The following ZNF292 variants were observed in gnomAD, a reference collection of about 807,000 sequenced individuals.
ZNF292 encodes the protein 16 zinc-finger domain protein.
In ZNF292, 26 loss-of-function variants were observed where a neutral mutation model predicts 217.9. That is an observed-to-expected ratio of 0.12 (90% CI 0.09 to 0.17). The LOEUF is 0.17. ZNF292 is among the 10% of genes least tolerant of loss of function. The probability of loss-of-function intolerance (pLI) is 1.00; values close to 1 mark genes in which losing one functional copy is unlikely to be tolerated. For missense variants in ZNF292, 2,904 were observed against 3,175.2 expected (o/e 0.91, Z 2.05); for synonymous variants, 1,257 against 1,124.1 (o/e 1.12, Z -2.37).
intron 1 of ZNF292, among the ~76,000 whole-genome samples, chr6:87,198,422 T>C (rs1204780134): frequency 6.6e-6 from 1 of 152,168 alleles, no homozygotes. Flanking sequence ...GCTAGGATAG[T>C]CTTGATCTCC....
In ZNF292 at chr6:87,258,261, C is replaced by T. The variant is rs1245369094; in HGVS notation, c.4632C>T (p.Asn1544=). ...TGTTGCACACTGTATGCCATCCAAA[C>T]ACCTTGCTGACCAACCAGAATAGGA... is the stretch of plus-strand genomic sequence containing the variant. ...PPLLHTVCHP[N]TLLTNQNRTS... is the part of the protein sequence containing the mutation. The change falls in exon 8 of 8, where the codon AAC becomes AAT. Residue 1544 remains asparagine (N), a synonymous_variant. Coordinates refer to ENST00000369577, the MANE Select transcript of ZNF292 (RefSeq NM_015021.3). 1 of 1,613,176 alleles carries T rather than the reference C, an allele frequency of 6.2e-7. No individual in the cohort carries two copies. The highest frequency in any genetic ancestry group is 8.5e-7 in the Non-Finnish European group (1 of 1,179,602).
intron 1 of ZNF292, among the ~76,000 whole-genome samples, chr6:87,184,403 T>G (rs900145596): frequency 6.6e-6 from 1 of 151,964 alleles, no homozygotes; most frequent in African/African-American, 2.4e-5. Context: ...ACATCACCAG[T>G]AATAATTAGC....
At chr6:87,204,855 C>T (rs1387291796) in intron 1 of ZNF292, among the ~76,000 whole-genome samples, 3 of 151,996 alleles carry the variant, frequency 2.0e-5, no homozygotes, top group Non-Finnish European at 2.9e-5. Flanking sequence ...TGAACCACTG[C>T]GCCTGGCCAC....
intron 4 of ZNF292, among the ~76,000 whole-genome samples, chr6:87,222,492 G>T (rs985702839): frequency 1.3e-5 from 2 of 151,778 alleles, no homozygotes; most frequent in Non-Finnish European, 2.9e-5. Context: ...CAAATGTTTG[G>T]CTAAAGTTCT....
At chr6:87,242,409 G>A (rs142302545) in intron 5 of ZNF292, among the ~76,000 whole-genome samples, 23 of 152,190 alleles carry the variant, frequency 1.5e-4, no homozygotes, top group African/African-American at 4.8e-4. Flanking sequence ...GCCCCACAGC[G>A]TTTATCCTTA....
At chr6:87,201,986 AG>A (rs1197964398) in intron 1 of ZNF292, among the ~76,000 whole-genome samples, 1 of 152,198 alleles carries the variant, frequency 6.6e-6, no homozygotes, top group African/African-American at 2.4e-5. Context: ...CTTTGGGATA[AG>A]TCTTGCTATC....
intron 1 of ZNF292, among the ~76,000 whole-genome samples, chr6:87,186,174 A>G (rs978362159): frequency 5.3e-5 from 8 of 152,232 alleles, no homozygotes; most frequent in African/African-American, 1.9e-4. Flanking sequence ...GCTGCCAGCC[A>G]TCAGTCAACT....
At chr6:87,159,664 G>T (rs529111228) in intron 1 of ZNF292, among the ~76,000 whole-genome samples, 1 of 151,792 alleles carries the variant, frequency 6.6e-6, no homozygotes, top group Non-Finnish European at 1.5e-5. Flanking sequence ...CACCATGCCC[G>T]GCTAATTTTG....
intron 1 of ZNF292, among the ~76,000 whole-genome samples, chr6:87,196,133 A>AC (rs1444846318): frequency 6.6e-6 from 1 of 152,206 alleles, no homozygotes; most frequent in Non-Finnish European, 1.5e-5. Flanking sequence ...TAATTGTATA[A>AC]CTTAAGATAT....
In ZNF292 at chr6:87,256,438, G is replaced by T. The variant is rs1044093855; in HGVS notation, c.2809G>T (p.Val937Leu). 1.2e-6 allele frequency: 2 copies of T among 1,607,314 alleles called. No homozygotes were observed. The highest frequency in any genetic ancestry group is 1.7e-6 in the Non-Finnish European group (2 of 1,179,792). Residue 937 changes from valine (V) to leucine (L), a missense_variant, in exon 8 of 8, where the codon GTG (valine) becomes TTG (leucine). Val to Leu is a conservative substitution (Grantham distance 32, BLOSUM62 1). Around this residue, in one of 15 missense-constraint regions of ZNF292, gnomAD observed 687 missense variants for 623.0 expected, o/e 1.10. Transcript: ENST00000369577. ...TPLLQSSEVAVSIKVSLNQGI... is the reference protein window; with the variant it reads ...TPLLQSSEVALSIKVSLNQGI... The stretch of plus-strand genomic sequence containing the variant: ...TCTACTTCAATCCAGTGAAGTAGCT[G>T]TGTCCATTAAGGTGTCTCTCAATCA...
chr6:87,258,516 GAGA>G lies in ZNF292; in HGVS notation c.4892_4894del (p.Arg1631del). ...ATAAAAAGGGAAACAGTGCTTCTAA[GAGA>G]AGAAAGAAAGTTGCTCCTCCACTAA... On this transcript the variant is annotated inframe_deletion, in exon 8 of 8. Transcript: ENST00000369577. The G allele has an allele frequency of 6.2e-7, 1 of 1,613,638 alleles. No homozygotes were observed. The highest frequency in any genetic ancestry group is 8.5e-7 in the Non-Finnish European group (1 of 1,179,770).
rs749863233 is a variant in ZNF292, at chr6:87,258,738, A to G, written c.5109A>G (p.Lys1703=). The change falls in exon 8 of 8, where the codon AAA becomes AAG. Residue 1703 remains lysine, a synonymous_variant. Coordinates refer to ENST00000369577, the MANE Select transcript of ZNF292 (RefSeq NM_015021.3). ...ATCAGTTATTTATGACTGATGTAAA[A>G]GAGAATTTCAAAACCAGTCTTGAGT... ...VNNQLFMTDV[K]ENFKTSLESH... is the part of the protein sequence containing the mutation. 5 of 1,613,374 alleles carry G rather than the reference A, an allele frequency of 3.1e-6. No individual in the cohort carries two copies. In the Admixed American group the frequency reaches 5.0e-5, roughly 16 times the overall value.
chr6:87,230,621 C>A (rs920871045), intron 4 of ZNF292, among the ~76,000 whole-genome samples: 1 of 151,772 alleles, frequency 6.6e-6, no homozygotes, highest in East Asian at 1.9e-4. Context: ...GTAGTCCCAG[C>A]TACTTGGGAG....
At chr6:87,209,500 G>T (rs1562141495) in intron 1 of ZNF292, among the ~76,000 whole-genome samples, 1 of 152,108 alleles carries the variant, frequency 6.6e-6, no homozygotes, top group Non-Finnish European at 1.5e-5. Context: ...CTCCTCAGCG[G>T]GTTTAGAAGG....
chr6:87,204,989 T>A (rs1582416662), intron 1 of ZNF292, among the ~76,000 whole-genome samples: 1 of 152,250 alleles, frequency 6.6e-6, no homozygotes, highest in African/African-American at 2.4e-5. Flanking sequence ...AATTAGTGAA[T>A]TTTCCCACTC....
intron 3 of ZNF292, among the ~76,000 whole-genome samples, chr6:87,216,592 C>G (rs1489544244): frequency 6.6e-6 from 1 of 151,846 alleles, no homozygotes; most frequent in Non-Finnish European, 1.5e-5. Context: ...TCGTTATGAT[C>G]AGATAATTAG....
chr6:87,172,133 C>T (rs1009431656), intron 1 of ZNF292, among the ~76,000 whole-genome samples: 2 of 152,144 alleles, frequency 1.3e-5, no homozygotes, highest in African/African-American at 4.8e-5. Context: ...CCCTATGATA[C>T]CCTATGAGGG....
At chr6:87,161,299 T>C (rs1770746492) in intron 1 of ZNF292, among the ~76,000 whole-genome samples, 1 of 152,216 alleles carries the variant, frequency 6.6e-6, no homozygotes, top group African/African-American at 2.4e-5. Context: ...TTAGATGTTA[T>C]AGGAGATAAA....
intron 1 of ZNF292, among the ~76,000 whole-genome samples, chr6:87,173,055 T>C (rs1771159155): frequency 6.6e-6 from 1 of 152,156 alleles, no homozygotes; most frequent in Admixed American, 6.5e-5. Flanking sequence ...CTTAAGATTA[T>C]AGGAATAACT....
Sources: gnomAD v4.1 joint callset for allele counts (sites outside exome capture counted in the v4.1 genomes callset) on GRCh38, gnomAD v4.1.1 for gene constraint, gnomAD v4.1.1 regional missense constraint, MANE v1.5 for transcripts, NCBI Gene and HGNC (gene_info 2026-07-23, HGNC 2026-07-21) for gene names.